Variants in CPQ observed in about 807,000 individuals in gnomAD.
CPQ encodes carboxypeptidase Q, also known as Ser-Met dipeptidase.
Under a neutral mutation model 45.7 loss-of-function variants are expected in CPQ, and 37 were observed. That is an observed-to-expected ratio of 0.81 (90% CI 0.62 to 1.07). The LOEUF is 1.07. Ranked by LOEUF, CPQ falls within the 50% of genes least tolerant of loss-of-function variation. The pLI, the probability that CPQ is intolerant of heterozygous loss-of-function variation, is 0.00. For synonymous variants in CPQ, 186 were observed against 205.8 expected (o/e 0.90, Z 0.82); for missense variants, 537 against 572.9 (o/e 0.94, Z 0.64).
intron 2 of CPQ, among the ~76,000 whole-genome samples, chr8:96,829,290 T>C (rs1811418616): frequency 6.6e-6 from 1 of 152,088 alleles, no homozygotes; most frequent in South Asian, 2.1e-4. Context: ...CAGGTCTAAT[T>C]TGAGCCAGAT....
intron 1 of CPQ, among the ~76,000 whole-genome samples, chr8:96,725,778 T>C (rs1809829053): frequency 1.3e-5 from 2 of 152,178 alleles, no homozygotes; most frequent in South Asian, 4.1e-4. Flanking sequence ...AAAAGACACA[T>C]GCACTCATAT....
At chr8:96,835,305 A>G in intron 3 of CPQ, 125 bp downstream of exon 3, 1 of 661,128 alleles carries the variant, frequency 1.5e-6, no homozygotes, top group South Asian at 3.8e-5. Context: ...TTTCCCCCCC[A>G]AACACACACA....
chr8:96,729,597 A>G (rs1809884262), intron 1 of CPQ, among the ~76,000 whole-genome samples: 1 of 152,210 alleles, frequency 6.6e-6, no homozygotes, highest in African/African-American at 2.4e-5. Flanking sequence ...AACAATTGTC[A>G]ACATTTTGCC....
intron 5 of CPQ, among the ~76,000 whole-genome samples, chr8:96,991,877 T>C (rs2853263): frequency 0.34 from 52,041 of 151,926 alleles, 8,887 homozygotes; most frequent in South Asian, 0.39. Context: ...CATTCCACTC[T>C]CCATCATTGA....
chr8:96,671,937 T>C (rs1809009181), intron 1 of CPQ, among the ~76,000 whole-genome samples: 1 of 152,142 alleles, frequency 6.6e-6, no homozygotes, highest in Non-Finnish European at 1.5e-5. Context: ...AATATGATTT[T>C]TAGGGGCCTG....
At chr8:97,119,980 T>A (rs1470475085) in intron 7 of CPQ, among the ~76,000 whole-genome samples, 1 of 152,152 alleles carries the variant, frequency 6.6e-6, no homozygotes, top group Non-Finnish European at 1.5e-5. Flanking sequence ...ATAAGCTGGT[T>A]TACAGAGCAA....
chr8:97,067,557 T>C (rs181651360), intron 7 of CPQ, among the ~76,000 whole-genome samples: 51 of 152,294 alleles, frequency 3.3e-4, no homozygotes, highest in Non-Finnish European at 5.4e-4. Flanking sequence ...ATTTTACCAA[T>C]AGTAACATAC....
chr8:96,867,761 ATTC>A (rs1051899972), intron 3 of CPQ, among the ~76,000 whole-genome samples: 1 of 152,080 alleles, frequency 6.6e-6, no homozygotes, highest in Non-Finnish European at 1.5e-5. Flanking sequence ...GGCATTAAAT[ATTC>A]TTCAAAATAT....
At chr8:96,764,666 A>C (rs1810445198) in intron 1 of CPQ, among the ~76,000 whole-genome samples, 1 of 152,214 alleles carries the variant, frequency 6.6e-6, no homozygotes, top group East Asian at 1.9e-4. Context: ...CAAGACTGTT[A>C]CTGATCAATG....
At chr8:97,103,905 G>T (rs1249892545) in intron 7 of CPQ, among the ~76,000 whole-genome samples, 3 of 152,150 alleles carry the variant, frequency 2.0e-5, no homozygotes, top group Non-Finnish European at 4.4e-5. Flanking sequence ...CTTCCAGGCT[G>T]CTCCTGAAGC....
chr8:97,032,646 C>T (rs779997969), intron 6 of CPQ, among the ~76,000 whole-genome samples: 16 of 152,194 alleles, frequency 1.1e-4, no homozygotes, highest in Non-Finnish European at 2.4e-4. Context: ...GCCCTGAGGT[C>T]TTTACCTCCC....
At chr8:96,758,034 A>G (rs1586388946) in intron 1 of CPQ, among the ~76,000 whole-genome samples, 1 of 152,220 alleles carries the variant, frequency 6.6e-6, no homozygotes, top group South Asian at 2.1e-4. Context: ...GTGAATTAAT[A>G]CAACTCTTGC....
intron 1 of CPQ, among the ~76,000 whole-genome samples, chr8:96,722,420 G>GTT (rs112835923): frequency 0.022 from 3,349 of 149,302 alleles, 131 homozygotes; most frequent in African/African-American, 0.077. Context: ...AACCATACCA[G>GTT]TTTTTTTTTT....
intron 3 of CPQ, among the ~76,000 whole-genome samples, chr8:96,845,518 A>G (rs1489114657): frequency 2.0e-5 from 3 of 151,986 alleles, no homozygotes; most frequent in Non-Finnish European, 2.9e-5. Flanking sequence ...TTTTTTTCTC[A>G]ATTTTTTGTT....
chr8:96,850,099 A>AT (rs1456688413), intron 3 of CPQ, among the ~76,000 whole-genome samples: 5 of 152,126 alleles, frequency 3.3e-5, no homozygotes, highest in African/African-American at 1.2e-4. Context: ...CTAAATTGAT[A>AT]TTTTTAGGAG....
intron 4 of CPQ, among the ~76,000 whole-genome samples, chr8:96,885,711 A>G (rs1486606694): frequency 1.3e-5 from 2 of 152,202 alleles, no homozygotes; most frequent in Non-Finnish European, 2.9e-5. Flanking sequence ...AAAGATGCCA[A>G]TAGGCCAGGC....
intron 1 of CPQ, among the ~76,000 whole-genome samples, chr8:96,662,590 T>C (rs1162940456): frequency 6.6e-6 from 1 of 152,188 alleles, no homozygotes; most frequent in African/African-American, 2.4e-5. Flanking sequence ...CCTGGGCCAA[T>C]GAATAACAGA....
chr8:96,926,007 G>C (rs1243789352), intron 4 of CPQ, among the ~76,000 whole-genome samples: 1 of 152,126 alleles, frequency 6.6e-6, no homozygotes, highest in African/African-American at 2.4e-5. Flanking sequence ...ATTTTTAAAA[G>C]CTCAAGTTAT....
At chr8:96,908,156 GGAGA>G (rs1175704427) in intron 4 of CPQ, among the ~76,000 whole-genome samples, 223 of 151,204 alleles carry the variant, frequency 1.5e-3, no homozygotes, top group Middle Eastern at 3.4e-3. Context: ...GTGTGTGTGA[GGAGA>G]GAGAGACGAG....
Sources: gnomAD v4.1 joint callset for allele counts (sites outside exome capture counted in the v4.1 genomes callset) on GRCh38, gnomAD v4.1.1 for gene constraint, MANE v1.5 for transcripts, NCBI Gene and HGNC (gene_info 2026-07-23, HGNC 2026-07-21) for gene names.